Variants in MICALL1 observed in about 807,000 individuals in gnomAD.
MICALL1 encodes MICAL like 1.
Under a neutral mutation model 83.7 loss-of-function variants are expected in MICALL1, and 61 were observed. The observed-to-expected ratio is 0.73, with a 90% CI of 0.59 to 0.90. The LOEUF (loss-of-function observed/expected upper bound fraction) is 0.90. Ranked by LOEUF, MICALL1 falls within the 40% of genes least tolerant of loss-of-function variation. MICALL1 has a pLI of 0.00. For synonymous variants in MICALL1, 481 were observed against 473.6 expected (o/e 1.02, Z -0.20); for missense variants, 1,066 against 1,152.0 (o/e 0.93, Z 1.08).
chr22:37,912,028 A>G, intron 2 of MICALL1, 28 bp downstream of exon 2: 2 of 1,606,252 alleles, frequency 1.2e-6, no homozygotes, highest in African/African-American at 1.4e-5. Context: ...TGGAAGCCCA[A>G]GAGGCTCTGT....
At chr22:37,928,355 C>T (rs905573083) in intron 9 of MICALL1, among the ~76,000 whole-genome samples, 9 of 152,030 alleles carry the variant, frequency 5.9e-5, no homozygotes, top group African/African-American at 1.9e-4. Flanking sequence ...TACAGGCGCC[C>T]GCCACCATGC....
rs982487248 is a variant in MICALL1 at position 37,924,033 on chromosome 22, A to G, written c.1025-627A>G. 1.3e-5 allele frequency among the ~76,000 whole-genome samples: 2 copies of G among 152,134 alleles called. No homozygotes were observed. Among genetic ancestry groups the G allele is most frequent in the African/African-American group, 4.8e-5 (2 of 41,408 alleles). On this transcript the variant is annotated intron_variant, in intron 6 of 15. Transcript: ENST00000215957. This position sits in a 1 kb window ranked among gnomAD's most constrained non-coding sequence, Gnocchi z 5.2. The stretch of plus-strand genomic sequence containing the variant: ...CTTGTAGGATTGAGACTCCTTGTAT[A>G]AGGCTGCTGGGCAGCCCTTATCATT...
chr22:37,914,158 G>C (rs953167422), intron 3 of MICALL1, among the ~76,000 whole-genome samples: 1 of 151,188 alleles, frequency 6.6e-6, no homozygotes, highest in Non-Finnish European at 1.5e-5. Flanking sequence ...TTACAGGCAT[G>C]AGCCACTGCG....
intron 3 of MICALL1, among the ~76,000 whole-genome samples, chr22:37,913,801 C>T (rs527756828): frequency 1.5e-3 from 229 of 151,992 alleles, no homozygotes; most frequent in African/African-American, 5.0e-3. Flanking sequence ...TCCTGCTGTC[C>T]CTGGGTCTGA....
rs1200366276 is a variant in MICALL1 at position 37,906,740 on chromosome 22, A to C, written c.146+172A>C. 2.1e-5 allele frequency: 9 copies of C among 421,190 alleles called. No individual in the cohort carries two copies. The East Asian group carries it at 7.4e-4, about 35-fold the overall frequency. The allele number at this position is 421,190 out of a possible 1,614,324, so 26.1% of individuals were successfully genotyped here. On this transcript the variant is annotated intron_variant, in intron 1 of 15. Transcript: ENST00000215957. This position sits in a 1 kb window ranked among gnomAD's most constrained non-coding sequence, Gnocchi z 4.4. ...GGGCGGGTCCCTGAGACCCCGGCCC[A>C]GGGCGCCCCTCCCCCGCCCGGCCGC... is the stretch of plus-strand genomic sequence containing the variant.
chr22:37,929,406 G>A (rs1418281626), intron 9 of MICALL1, among the ~76,000 whole-genome samples: 1 of 152,228 alleles, frequency 6.6e-6, no homozygotes, highest in Non-Finnish European at 1.5e-5. Context: ...ATGCTGCTGT[G>A]TGTGGAGTTT....
Position 37,922,361 on chromosome 22 carries a change from G to T in MICALL1, c.959G>T (p.Arg320Leu). 6.6e-7 allele frequency: 1 copy of T among 1,517,884 alleles called. No homozygotes were observed. 94.0% of individuals were successfully genotyped at this position (1,517,884 alleles called of 1,614,324 possible). A position where few individuals can be genotyped will look rare whatever the true frequency, so the allele number is the denominator to read the frequency against. The change falls in exon 6 of 16, where the codon CGG (arginine) becomes CTG (leucine). Residue 320 changes from arginine (R) to leucine (L), a missense_variant. Arg to Leu is a moderately radical substitution (Grantham distance 102, BLOSUM62 -2). Transcript: ENST00000215957. The stretch of plus-strand genomic sequence containing the variant: ...ACCACCCCAGCACCCCCCACGCCCC[G>T]GCCCCGCTCCAGTCTGCAGCAGGAG... ...ESTTPAPPTP[R>L]PRSSLQQENL...
intron 6 of MICALL1, among the ~76,000 whole-genome samples, chr22:37,922,807 T>G (rs1206334383): frequency 1.6e-4 from 22 of 140,992 alleles, no homozygotes; most frequent in Admixed American, 2.8e-4. Context: ...TTTTTTTTTT[T>G]TTTTTTTTTT....
At chr22:37,939,773 C>CAAAAA (rs147934175) in intron 15 of MICALL1, among the ~76,000 whole-genome samples, 11 of 44,320 alleles carry the variant, frequency 2.5e-4, no homozygotes, top group Admixed American at 5.8e-4. Flanking sequence ...GTCTCCGTCT[C>CAAAAA]AAAAAAAAAA....
intron 13 of MICALL1, among the ~76,000 whole-genome samples, chr22:37,935,954 C>T (rs551935413): frequency 1.3e-5 from 2 of 152,224 alleles, no homozygotes; most frequent in African/African-American, 4.8e-5. Context: ...GTCTCGAACT[C>T]CTGACCTCTG....
rs1929823185 is a variant in MICALL1, at chr22:37,932,137, A to G, written c.2016+204A>G. On this transcript the variant is annotated intron_variant, in intron 10 of 15. Coordinates refer to ENST00000215957, the MANE Select transcript of MICALL1 (RefSeq NM_033386.4). This position sits in a 1 kb window ranked among gnomAD's most constrained non-coding sequence, Gnocchi z 4.4. ...TGGAGCAGATCAGCCCTTCACCACC[A>G]AAAGCAGTGGGTGGTGCATTTAATT... is the stretch of plus-strand genomic sequence containing the variant. Among the ~76,000 whole-genome samples, 1 of 152,230 alleles carries G rather than the reference A, an allele frequency of 6.6e-6. No homozygotes were observed. The highest frequency in any genetic ancestry group is 2.4e-5 in the African/African-American group (1 of 41,466).
At chr22:37,937,872 G>A (rs1182382166) in intron 15 of MICALL1, 80 bp downstream of exon 15, 1 of 1,578,920 alleles carries the variant, frequency 6.3e-7, no homozygotes, top group Non-Finnish European at 8.7e-7. Flanking sequence ...TGGTTGAAGG[G>A]AGGGTTGGAG....
intron 9 of MICALL1, among the ~76,000 whole-genome samples, chr22:37,928,560 A>G (rs1929619552): frequency 6.6e-6 from 1 of 152,092 alleles, no homozygotes; most frequent in South Asian, 2.1e-4. Flanking sequence ...GGCCTTGGCC[A>G]GTCTATCTAC....
chr22:37,925,763 A>G lies in MICALL1; in HGVS notation c.1185A>G (p.Pro395=), dbSNP rs1014914457. The change falls in exon 8 of 16, where the codon CCA becomes CCG. Residue 395 remains proline, a synonymous_variant. Transcript: ENST00000215957. ...PLPPSSSPGP[P]SQDSRQVENG... ...CCCCAAGCAGCAGCCCGGGGCCACC[A>G]AGCCAGGACAGCAGGCAGGTGGAGA... is the stretch of plus-strand genomic sequence containing the variant. The G allele has an allele frequency of 6.2e-7, 1 of 1,612,816 alleles. No individual in the cohort carries two copies. The highest frequency in any genetic ancestry group is 1.3e-5 in the African/African-American group (1 of 74,788).
chr22:37,939,869 G>A (rs896233147), intron 15 of MICALL1, among the ~76,000 whole-genome samples: 1 of 149,880 alleles, frequency 6.7e-6, no homozygotes, highest in African/African-American at 2.5e-5. Flanking sequence ...CGGGCTCATC[G>A]CCTGAGGTCA....
chr22:37,918,121 G>A (rs1928791776), intron 4 of MICALL1, among the ~76,000 whole-genome samples: 1 of 152,212 alleles, frequency 6.6e-6, no homozygotes, highest in South Asian at 2.1e-4. Flanking sequence ...GGGACTGTCA[G>A]GAGTTACACA....
rs755395433 is a variant in MICALL1 at position 37,937,147 on chromosome 22, T to C, written c.2376T>C (p.Ile792=). ...KVLMQELVTL[I]EQRNAIINCL... ...TGATGCAGGAGCTTGTGACCCTCAT[T>C]GAGCAGCGCAACGCTATCATCAACT... Residue 792 remains isoleucine (I), a synonymous_variant, in exon 14 of 16, where the codon ATT becomes ATC. Transcript: ENST00000215957. The C allele has an allele frequency of 1.9e-5, 29 of 1,550,136 alleles. No homozygotes were observed. Among genetic ancestry groups the C allele is most frequent in the Non-Finnish European group, 8.7e-7 (1 of 1,146,654 alleles).
chr22:37,936,372 C>G (rs1466199868), intron 13 of MICALL1, among the ~76,000 whole-genome samples: 1 of 152,230 alleles, frequency 6.6e-6, no homozygotes, highest in Non-Finnish European at 1.5e-5. Context: ...TCCCTGTTGT[C>G]TCCTCGCCCC....
intron 3 of MICALL1, among the ~76,000 whole-genome samples, chr22:37,914,238 T>C (rs1384169742): frequency 2.0e-5 from 3 of 149,988 alleles, no homozygotes; most frequent in Non-Finnish European, 4.4e-5. Context: ...TTTCTTTTTT[T>C]TTTTTGAAAT....
Sources: gnomAD v4.1 joint callset for allele counts (sites outside exome capture counted in the v4.1 genomes callset) on GRCh38, gnomAD v4.1.1 for gene constraint, Gnocchi (gnomAD v3.1) non-coding constraint, MANE v1.5 for transcripts, NCBI Gene and HGNC (gene_info 2026-07-23, HGNC 2026-07-21) for gene names.